USP40: variants seen among roughly 807,000 people sequenced by gnomAD.
USP40 encodes ubiquitin specific peptidase 40.
In USP40, 143 loss-of-function variants were observed where a neutral mutation model predicts 166.2. That is an observed-to-expected ratio of 0.86 (90% CI 0.75 to 0.99). The LOEUF is 0.99. Among genes scored for constraint, USP40 ranks in the 50% least tolerant of loss-of-function variants. USP40 has a pLI of 0.00. For missense variants in USP40, 1,444 were observed against 1,479.7 expected, an observed-to-expected ratio of 0.98 and a Z score of 0.40; for synonymous variants, 498 against 524.0, an observed-to-expected ratio of 0.95 and a Z score of 0.68.
rs372075127 is a variant in USP40, at chr2:233,556,922, C to T, written c.479G>A (p.Arg160His). The stretch of plus-strand genomic sequence containing the variant: ...GTTAACAATGGTTCCATGGTACAGA[C>T]GATAGATGAGGTCATGACCGGAGGT... ...VGTSGHDLIYRLYHGTIVNQI... is the reference protein window; with the variant it reads ...VGTSGHDLIYHLYHGTIVNQI... The change falls in exon 5 of 32, where the codon CGT (arginine) becomes CAT (histidine). Residue 160 changes from arginine to histidine, a missense_variant. By Grantham distance (29) the Arg-to-His change is conservative. Transcript: ENST00000678225. 1.9e-5 allele frequency: 31 copies of T among 1,613,826 alleles called. No individual in the cohort carries two copies. Among genetic ancestry groups the T allele is most frequent in the South Asian group, 3.3e-5 (3 of 91,088 alleles).
At chr2:233,519,487 T>C (rs1430656462) in intron 18 of USP40, 127 bp downstream of exon 18, 48 of 589,100 alleles carry the variant, frequency 8.1e-5, no homozygotes, top group Non-Finnish European at 1.3e-4. Context: ...ATGTTAATAT[T>C]TGTCCATTTT....
chr2:233,481,741 A>C (rs2064608743), intron 30 of USP40: 1 of 158,902 alleles, frequency 6.3e-6, no homozygotes, highest in Non-Finnish European at 1.4e-5. Flanking sequence ...ACTTGGCTTT[A>C]CTTCCTTGGC....
Position 233,486,730 on chromosome 2 carries a change from AAG to A in USP40, c.3198-755_3198-754del, listed in dbSNP as rs1217143749. ...AATGAGAAATGAAATGACTGGAAGA[AAG>A]AGAGTTCACGGGAAGATGTGGGCCC... On this transcript the variant is annotated intron_variant, in intron 28 of 31. Transcript: ENST00000678225. The surrounding 1 kb of genome is among the most constrained non-coding windows in gnomAD (Gnocchi z 4.0). Among the ~76,000 whole-genome samples, 2 of 152,214 alleles carry A rather than the reference AAG, an allele frequency of 1.3e-5. No individual in the cohort carries two copies. Among genetic ancestry groups the A allele is most frequent in the African/African-American group, 4.8e-5 (2 of 41,438 alleles).
intron 31 of USP40, 24 bp from the exon 32 acceptor site, chr2:233,477,527 T>C (rs747781989): frequency 3.8e-6 from 6 of 1,599,848 alleles, no homozygotes; most frequent in Non-Finnish European, 5.1e-6. Flanking sequence ...GACACTGTCA[T>C]TGACTCATGG....
chr2:233,508,353 C>T (rs1260494787), intron 21 of USP40, among the ~76,000 whole-genome samples: 1 of 152,138 alleles, frequency 6.6e-6, no homozygotes, highest in African/African-American at 2.4e-5. Context: ...CCTCTTTTGA[C>T]CTATAGGTTG....
intron 18 of USP40, among the ~76,000 whole-genome samples, chr2:233,518,366 A>C (rs1221015845): frequency 2.7e-5 from 4 of 150,338 alleles, no homozygotes; most frequent in South Asian, 4.2e-4. Context: ...CAGGAGTTTG[A>C]GACCAGCCTG....
chr2:233,515,748 C>T (rs919079834), intron 18 of USP40, among the ~76,000 whole-genome samples: 4 of 152,248 alleles, frequency 2.6e-5, no homozygotes, highest in East Asian at 1.9e-4. Flanking sequence ...ATCTTTAATA[C>T]AAAAACCTTT....
At chr2:233,566,534 C>T in intron 1 of USP40, 150 bp downstream of exon 1, 1 of 350,980 alleles carries the variant, frequency 2.8e-6, no homozygotes, top group Non-Finnish European at 4.0e-6. Flanking sequence ...TCCCCGTGGC[C>T]CGAAACCACT....
intron 16 of USP40, 84 bp downstream of exon 16, chr2:233,523,086 T>C: frequency 7.2e-7 from 1 of 1,393,002 alleles, no homozygotes; most frequent in Non-Finnish European, 9.7e-7. Flanking sequence ...CTCTTGTCAC[T>C]AAAATAAAGC....
At chr2:233,562,878 C>A in intron 2 of USP40, 75 bp from the exon 3 acceptor site, 2 of 1,127,732 alleles carry the variant, frequency 1.8e-6, no homozygotes, top group Admixed American at 2.7e-5. Flanking sequence ...AAGCCAAGAC[C>A]ACCTTTAAGT....
chr2:233,504,572 G>T (rs1047335391), intron 21 of USP40, among the ~76,000 whole-genome samples: 3 of 151,772 alleles, frequency 2.0e-5, no homozygotes, highest in Non-Finnish European at 4.4e-5. Context: ...GTAGAAGAAG[G>T]TCATTATATA....
At chr2:233,561,022 C>A (rs536359939) in intron 3 of USP40, 3 of 1,097,946 alleles carry the variant, frequency 2.7e-6, no homozygotes, top group Non-Finnish European at 4.1e-6. Flanking sequence ...AGGGTATAGG[C>A]CAAGTCACTT....
At chr2:233,487,345 G>C (rs1402509714) in intron 28 of USP40, among the ~76,000 whole-genome samples, 2 of 152,198 alleles carry the variant, frequency 1.3e-5, no homozygotes, top group East Asian at 3.8e-4. Context: ...ATGCTGGTTT[G>C]TGGGTGAGGT....
intron 8 of USP40, among the ~76,000 whole-genome samples, chr2:233,548,468 G>A (rs1273796589): frequency 6.6e-6 from 1 of 152,098 alleles, no homozygotes; most frequent in Admixed American, 6.6e-5. Context: ...GTCAGCTATA[G>A]GAATTGTGCT....
At chr2:233,500,177 C>A (rs865966554) in intron 21 of USP40, among the ~76,000 whole-genome samples, 2 of 152,174 alleles carry the variant, frequency 1.3e-5, no homozygotes, top group African/African-American at 4.8e-5. Flanking sequence ...TCCACCAACT[C>A]CCAGGTTTGA....
chr2:233,480,459 C>G lies in USP40; in HGVS notation c.3599+744G>C, dbSNP rs1207759455. Among the ~76,000 whole-genome samples the G allele has an allele frequency of 6.6e-6, 1 of 152,208 alleles. No individual in the cohort carries two copies. The highest frequency in any genetic ancestry group is 2.4e-5 in the African/African-American group (1 of 41,452). On this transcript the variant is annotated intron_variant, in intron 31 of 31. Transcript: ENST00000678225. This position sits in a 1 kb window ranked among gnomAD's most constrained non-coding sequence, Gnocchi z 4.5. ...TCCTGGGACTTGTGGTGGTGGTGAG[C>G]TGAGCAGTGCGAACTGAGCCTCACG... is the stretch of plus-strand genomic sequence containing the variant.
chr2:233,529,814 C>CTTTTTTTTT (rs369071345), intron 11 of USP40, among the ~76,000 whole-genome samples: 4 of 133,946 alleles, frequency 3.0e-5, no homozygotes, highest in African/African-American at 5.8e-5. Context: ...TTTTCTTTTT[C>CTTTTTTTTT]TTTTTTTTTT....
chr2:233,478,034 T>C (rs2125008288), intron 31 of USP40, among the ~76,000 whole-genome samples: 1 of 152,348 alleles, frequency 6.6e-6, no homozygotes, highest in African/African-American at 2.4e-5. Context: ...CAGCCTGATG[T>C]GTGTGGCCCA....
chr2:233,537,823 G>A (rs1434069656), intron 10 of USP40, among the ~76,000 whole-genome samples: 1 of 152,152 alleles, frequency 6.6e-6, no homozygotes, highest in Non-Finnish European at 1.5e-5. Flanking sequence ...AAACTCTCTA[G>A]GTTGAAGGGA....
Sources: gnomAD v4.1 joint callset for allele counts (sites outside exome capture counted in the v4.1 genomes callset) on GRCh38, gnomAD v4.1.1 for gene constraint, Gnocchi (gnomAD v3.1) non-coding constraint, MANE v1.5 for transcripts, NCBI Gene and HGNC (gene_info 2026-07-23, HGNC 2026-07-21) for gene names.